STK32C: variants seen among roughly 807,000 people sequenced by gnomAD.
The protein encoded by STK32C is serine/threonine kinase 32C.
A neutral mutation model predicts 56.5 loss-of-function variants in STK32C; 31 were observed. The ratio of observed to expected loss-of-function variants is 0.55; its 90% confidence interval spans 0.41 to 0.74. STK32C has a LOEUF of 0.74. Ranked by LOEUF, STK32C falls within the 30% of genes least tolerant of loss-of-function variation. The probability of loss-of-function intolerance (pLI) is 0.00; values close to 1 mark genes in which losing one functional copy is unlikely to be tolerated. For missense variants in STK32C, 544 were observed against 676.9 expected (o/e 0.80, Z 2.18); for synonymous variants, 309 against 289.4 (o/e 1.07, Z -0.69).
At chr10:132,313,931 A>C (rs1403956476) in intron 1 of STK32C, among the ~76,000 whole-genome samples, 1 of 152,162 alleles carries the variant, frequency 6.6e-6, no homozygotes, top group African/African-American at 2.4e-5. Flanking sequence ...ATGGAAAACC[A>C]CTGCTGGGAG....
intron 1 of STK32C, among the ~76,000 whole-genome samples, chr10:132,275,325 A>C (rs2064963212): frequency 6.6e-6 from 1 of 152,206 alleles, no homozygotes; most frequent in South Asian, 2.1e-4. Context: ...TGAGTCAGCA[A>C]CAGTAGCAAG....
At chr10:132,236,482 G>A (rs888686298) in intron 2 of STK32C, among the ~76,000 whole-genome samples, 1 of 152,236 alleles carries the variant, frequency 6.6e-6, no homozygotes, top group African/African-American at 2.4e-5. Context: ...TGTCTGCCAC[G>A]TGTGGGCCCA....
intron 10 of STK32C, among the ~76,000 whole-genome samples, chr10:132,212,425 A>G (rs985794173): frequency 1.3e-5 from 2 of 152,214 alleles, no homozygotes; most frequent in Non-Finnish European, 2.9e-5. Flanking sequence ...TTAACCCAAA[A>G]TGAATCACAC....
At chr10:132,228,479 C>CA (rs978596922) in intron 2 of STK32C, among the ~76,000 whole-genome samples, 3 of 152,196 alleles carry the variant, frequency 2.0e-5, no homozygotes, top group East Asian at 1.9e-4. Flanking sequence ...TCCTGCGTTT[C>CA]AAGTCTGCAG....
rs1289634583 is a variant in STK32C at position 132,222,770 on chromosome 10, T to C, written c.1122A>G (p.Lys374=). 2 of 1,600,666 alleles carry C rather than the reference T, an allele frequency of 1.2e-6. No individual in the cohort carries two copies. Among genetic ancestry groups the C allele is most frequent in the Non-Finnish European group, 1.7e-6 (2 of 1,174,054 alleles). ...AGGTGGGGTCGCAGTGCAGACGGCC[T>C]TTCTACAGAGGGATGGGTGCTGAGC... ...KRVEPGFVPN[K]GRLHCDPTFE... is the part of the protein sequence containing the mutation. Residue 374 remains lysine, a splice_region_variant and synonymous_variant, in exon 10 of 12, where the codon AAA becomes AAG. Transcript: ENST00000298630.
At chr10:132,212,762 G>A (rs1426644463) in intron 10 of STK32C, among the ~76,000 whole-genome samples, 5 of 152,226 alleles carry the variant, frequency 3.3e-5, no homozygotes, top group South Asian at 2.1e-4. Flanking sequence ...GGTAAACAAC[G>A]TGGAAGGCCT....
chr10:132,276,798 A>AAAC (rs1415413128), intron 1 of STK32C, among the ~76,000 whole-genome samples: 1 of 151,204 alleles, frequency 6.6e-6, no homozygotes. Context: ...AAAAAAAAAA[A>AAAC]CCCAATGTAT....
chr10:132,257,509 CCCAG>C (rs74258808), intron 1 of STK32C, among the ~76,000 whole-genome samples: 41,274 of 151,662 alleles, frequency 0.27, 6,044 homozygotes, highest in Non-Finnish European at 0.34. Context: ...CATCACACCC[CCCAG>C]CCAAAGAGAT....
At chr10:132,260,948 GCAGGCC>G (rs373533603) in intron 1 of STK32C, among the ~76,000 whole-genome samples, 11 of 152,242 alleles carry the variant, frequency 7.2e-5, no homozygotes, top group African/African-American at 2.7e-4. Flanking sequence ...CGGGCCCCCA[GCAGGCC>G]CCTAGCCCAC....
rs1306504646 is a variant in STK32C, at chr10:132,238,812, GCACA to G, written c.318+7084_318+7087del. Reference sequence around the variant, plus strand: ...ACACACACATACCACATACACACATGCACACACAGAGGCATGCACACACACGCAA... The same window carrying G: ...ACACACACATACCACATACACACATGCACAGAGGCATGCACACACACGCAA... On this transcript the variant is annotated intron_variant, in intron 2 of 11. Coordinates refer to ENST00000298630, the MANE Select transcript of STK32C (RefSeq NM_173575.4). 4.6e-5 allele frequency among the ~76,000 whole-genome samples: 7 copies of G among 152,120 alleles called. 1 individual carries two copies. Among genetic ancestry groups the G allele is most frequent in the African/African-American group, 1.4e-4 (6 of 41,488 alleles).
At chr10:132,271,589 G>A (rs550589482) in intron 1 of STK32C, among the ~76,000 whole-genome samples, 16 of 152,316 alleles carry the variant, frequency 1.1e-4, no homozygotes, top group African/African-American at 3.4e-4. Context: ...TGGCCGTGGC[G>A]TCAGCATGAC....
chr10:132,267,574 CGT>C (rs374152472), intron 1 of STK32C, among the ~76,000 whole-genome samples: 3,671 of 137,278 alleles, frequency 0.027, 152 homozygotes, highest in African/African-American at 0.093. Flanking sequence ...AGTCCCACAT[CGT>C]GTGTGTGTCA....
chr10:132,227,048 C>CTTAG, intron 3 of STK32C, 80 bp from the exon 4 acceptor site: 1 of 1,512,534 alleles, frequency 6.6e-7, no homozygotes, highest in East Asian at 2.4e-5. Context: ...ACACACTCCC[C>CTTAG]CTAAGGACCA....
chr10:132,279,732 A>G (rs2065100216), intron 1 of STK32C, among the ~76,000 whole-genome samples: 2 of 149,860 alleles, frequency 1.3e-5, no homozygotes, highest in African/African-American at 4.9e-5. Flanking sequence ...TGATCACACC[A>G]CTGCACTCCG....
At chr10:132,313,202 C>T (rs1159145194) in intron 1 of STK32C, among the ~76,000 whole-genome samples, 2 of 152,186 alleles carry the variant, frequency 1.3e-5, no homozygotes, top group African/African-American at 4.8e-5. Context: ...CGGAATGGCT[C>T]TTTGTGGCAA....
At chr10:132,280,564 C>CCGTGACCACGCCCCTGCACT in intron 1 of STK32C, among the ~76,000 whole-genome samples, 1 of 117,768 alleles carries the variant, frequency 8.5e-6, no homozygotes, top group South Asian at 3.0e-4. Flanking sequence ...GCCCCTGCAC[C>CCGTGACCACGCCCCTGCACT]CCGTGACCAC....
At chr10:132,309,243 G>A (rs561082342), upstream of STK32C, among the ~76,000 whole-genome samples, 1 of 152,158 alleles carries the variant, frequency 6.6e-6, no homozygotes, top group Non-Finnish European at 1.5e-5. Flanking sequence ...ATGTGAGCAC[G>A]GGAAGTCTGT....
At chr10:132,301,446 C>A (rs1458632144) in intron 1 of STK32C, among the ~76,000 whole-genome samples, 1 of 152,116 alleles carries the variant, frequency 6.6e-6, no homozygotes, top group East Asian at 1.9e-4. Flanking sequence ...ACCCGGGTTC[C>A]TCCCTAGGAG....
chr10:132,267,192 C>T (rs946784286), intron 1 of STK32C, among the ~76,000 whole-genome samples: 35 of 152,248 alleles, frequency 2.3e-4, no homozygotes, highest in Admixed American at 1.9e-3. Context: ...GCAGTAGCAG[C>T]CCCTTTAGAA....
Sources: allele counts gnomAD v4.1 joint callset (sites outside exome capture counted in the v4.1 genomes callset), GRCh38; gene constraint gnomAD v4.1.1; transcripts MANE v1.5; gene names NCBI Gene and HGNC (gene_info 2026-07-23, HGNC 2026-07-21).